Variants in RBFOX3 observed in about 807,000 individuals in gnomAD.
The protein encoded by RBFOX3 is RNA binding fox-1 homolog 3.
Under a neutral mutation model 48.7 loss-of-function variants are expected in RBFOX3, and 17 were observed. The ratio of observed to expected loss-of-function variants is 0.35; its 90% CI spans 0.24 to 0.52. The LOEUF (loss-of-function observed/expected upper bound fraction) is 0.52, where lower values mean the gene tolerates loss of function less well. Ranked by LOEUF, RBFOX3 falls within the 20% of genes least tolerant of loss-of-function variation. The probability of loss-of-function intolerance (pLI) is 0.94; values close to 1 mark genes in which losing one functional copy is unlikely to be tolerated. For missense variants in RBFOX3, 382 were observed against 497.5 expected (o/e 0.77, Z 2.21); for synonymous variants, 212 against 209.5 (o/e 1.01, Z -0.10).
chr17:79,320,575 C>T (rs868005187), intron 2 of RBFOX3, among the ~76,000 whole-genome samples: 6 of 152,242 alleles, frequency 3.9e-5, no homozygotes, highest in African/African-American at 2.4e-5. Context: ...ATCTAACCAG[C>T]TCTACTGCCA....
At position 79,252,593 on chromosome 17, in the gene RBFOX3, G is replaced by A. The variant is rs1032531107; in HGVS notation, c.-73-16788C>T. On this transcript the variant is annotated intron_variant, in intron 3 of 14. Coordinates refer to ENST00000693108, the MANE Select transcript of RBFOX3 (RefSeq NM_001350451.2). The surrounding 1 kb of genome is among the most constrained non-coding windows in gnomAD (Gnocchi z 4.0). ...GATGGTTCCTCGATGGTAAACCAGT[G>A]AGGCTCCTTCCTGACTTCTGCCTTC... 8.5e-5 allele frequency among the ~76,000 whole-genome samples: 13 copies of A among 152,194 alleles called. No homozygotes were observed. The highest frequency in any genetic ancestry group is 1.6e-4 in the Non-Finnish European group (11 of 68,030).
chr17:79,521,974 G>A lies in RBFOX3; in HGVS notation c.-319-39376C>T, dbSNP rs1013942416. Reference sequence around the variant, plus strand: ...CTCAGGACTCAGGGCCAGAGTGAGCGGCAAAGGAGGGCTCTGCTGCTGCTC... The same window carrying A: ...CTCAGGACTCAGGGCCAGAGTGAGCAGCAAAGGAGGGCTCTGCTGCTGCTC... On this transcript the variant is annotated intron_variant, in intron 1 of 14. Coordinates refer to ENST00000693108, the MANE Select transcript of RBFOX3 (RefSeq NM_001350451.2). 4.6e-5 allele frequency among the ~76,000 whole-genome samples: 7 copies of A among 152,306 alleles called. No homozygotes were observed. In the East Asian group the frequency reaches 5.8e-4, roughly 13 times the overall value.
chr17:79,616,396 C>T, the RBFOX3 span, among the ~76,000 whole-genome samples: 2 of 151,790 alleles, frequency 1.3e-5, no homozygotes, highest in African/African-American at 2.4e-5. Context: ...ATTAGCCGGG[C>T]GAAGTGGAGG....
Position 79,114,822 on chromosome 17 carries a change from G to C in RBFOX3, c.222+672C>G, listed in dbSNP as rs1009305762. 2.2e-4 allele frequency among the ~76,000 whole-genome samples: 33 copies of C among 152,310 alleles called. No individual in the cohort carries two copies. The Middle Eastern group carries it at 0.01, about 47-fold the overall frequency. ...AAAGGAATAGGCCGGCTGGGGCTCT[G>C]GGGGGTGGGTGGAGGCAGGGCCTGG... is the stretch of plus-strand genomic sequence containing the variant. On this transcript the variant is annotated intron_variant, in intron 5 of 14. Transcript: ENST00000693108.
intron 1 of RBFOX3, among the ~76,000 whole-genome samples, chr17:79,551,401 G>C (rs1415893423): frequency 3.3e-5 from 5 of 152,072 alleles, no homozygotes; most frequent in Admixed American, 6.6e-5. Flanking sequence ...GGGCCTGGTG[G>C]AATAAGTGGA....
chr17:79,375,358 GACACACACAC>G lies in RBFOX3; in HGVS notation c.-174-67544_-174-67535del, dbSNP rs534923135. Reference sequence around the variant, plus strand: ...TGCTGGTCCAGTTAGGAAGACAGAAGACACACACACACACACACACACACACACACACACA... The same window carrying G: ...TGCTGGTCCAGTTAGGAAGACAGAAGACACACACACACACACACACACACA... On this transcript the variant is annotated intron_variant, in intron 2 of 14. Transcript: ENST00000693108. 3.7e-3 allele frequency among the ~76,000 whole-genome samples: 506 copies of G among 136,292 alleles called. 3 individuals carry two copies. Among genetic ancestry groups the G allele is most frequent in the African/African-American group, 8.1e-3 (298 of 37,014 alleles). The allele number at this position is 136,292 out of a possible 152,430, so 89.4% of individuals were successfully genotyped here.
At chr17:79,412,222 A>G (rs1220224216) in intron 2 of RBFOX3, among the ~76,000 whole-genome samples, 1 of 146,952 alleles carries the variant, frequency 6.8e-6, no homozygotes, top group African/African-American at 2.5e-5. Context: ...TGTGTCATGT[A>G]TGCATGTGTT....
chr17:79,159,936 C>T (rs956548235), intron 4 of RBFOX3, among the ~76,000 whole-genome samples: 4 of 152,206 alleles, frequency 2.6e-5, no homozygotes, highest in Non-Finnish European at 4.4e-5. Flanking sequence ...TCCAGCGTCC[C>T]GGGACAGTTC....
intron 4 of RBFOX3, among the ~76,000 whole-genome samples, chr17:79,172,482 G>A (rs67145646): frequency 0.16 from 24,475 of 152,080 alleles, 2,983 homozygotes; most frequent in African/African-American, 0.34. Context: ...CCCTGTCCAC[G>A]TCCCCCTGGT....
At chr17:79,298,954 C>T (rs561253014) in intron 3 of RBFOX3, among the ~76,000 whole-genome samples, 6 of 152,332 alleles carry the variant, frequency 3.9e-5, no homozygotes, top group African/African-American at 2.4e-5. Flanking sequence ...TCCATCAGGG[C>T]TGGGTGGCAG....
chr17:79,444,287 G>C (rs576015408), intron 2 of RBFOX3, among the ~76,000 whole-genome samples: 6 of 152,268 alleles, frequency 3.9e-5, no homozygotes, highest in African/African-American at 1.4e-4. Context: ...TTGTGGGTTG[G>C]GGGCCAGCAA....
chr17:79,326,913 A>G (rs1249203553), intron 2 of RBFOX3, among the ~76,000 whole-genome samples: 1 of 152,204 alleles, frequency 6.6e-6, no homozygotes, highest in African/African-American at 2.4e-5. Context: ...CAAACAGATA[A>G]TTTTAACCCC....
intron 3 of RBFOX3, among the ~76,000 whole-genome samples, chr17:79,272,481 C>A (rs2067911510): frequency 6.6e-6 from 1 of 152,222 alleles, no homozygotes; most frequent in African/African-American, 2.4e-5. Flanking sequence ...CCCCTCTTCT[C>A]AGTGTTACAC....
intron 1 of RBFOX3, among the ~76,000 whole-genome samples, chr17:79,607,128 G>A (rs1260613120): frequency 6.6e-6 from 1 of 152,164 alleles, no homozygotes; most frequent in African/African-American, 2.4e-5. Context: ...TGTTTATAAA[G>A]CCGGTGCCTT....
chr17:79,560,250 A>G (rs1946090595), intron 1 of RBFOX3, among the ~76,000 whole-genome samples: 2 of 152,134 alleles, frequency 1.3e-5, no homozygotes, highest in Non-Finnish European at 2.9e-5. Flanking sequence ...AGCAAAGCAC[A>G]GGGAAAGGCT....
intron 3 of RBFOX3, among the ~76,000 whole-genome samples, chr17:79,250,997 C>T (rs935223235): frequency 2.3e-4 from 35 of 151,974 alleles, no homozygotes; most frequent in African/African-American, 8.0e-4. Context: ...TTAGTAGAGA[C>T]GGGGTTTCAC....
intron 1 of RBFOX3, among the ~76,000 whole-genome samples, chr17:79,610,409 G>A (rs929975557): frequency 2.0e-5 from 3 of 151,732 alleles, no homozygotes; most frequent in Admixed American, 6.6e-5. Flanking sequence ...TCCCCCCGCC[G>A]GGGAGTTCCC....
chr17:79,467,543 C>G (rs1215641040), intron 2 of RBFOX3, among the ~76,000 whole-genome samples: 1 of 152,184 alleles, frequency 6.6e-6, no homozygotes, highest in African/African-American at 2.4e-5. Flanking sequence ...GGCCAGCACT[C>G]CTGGGCCACC....
At chr17:79,272,695 T>C (rs1176533610) in intron 3 of RBFOX3, among the ~76,000 whole-genome samples, 1 of 152,188 alleles carries the variant, frequency 6.6e-6, no homozygotes. Flanking sequence ...GGAGTTTTGC[T>C]CAGTTCCAGC....
Sources: gnomAD v4.1 joint callset for allele counts (sites outside exome capture counted in the v4.1 genomes callset) on GRCh38, gnomAD v4.1.1 for gene constraint, Gnocchi (gnomAD v3.1) non-coding constraint, MANE v1.5 for transcripts, NCBI Gene and HGNC (gene_info 2026-07-23, HGNC 2026-07-21) for gene names.